The following COL12A1 variants were observed in gnomAD, a reference collection of about 807,000 sequenced individuals.
The protein encoded by COL12A1 is collagen type XII alpha 1 chain.
Under a neutral mutation model 349.7 loss-of-function variants are expected in COL12A1, and 114 were observed. The observed-to-expected ratio is 0.33, with a 90% confidence interval of 0.28 to 0.38. The LOEUF (loss-of-function observed/expected upper bound fraction) is 0.38, where lower values mean the gene tolerates loss of function less well. COL12A1 is among the 10% of genes least tolerant of loss of function. The probability of loss-of-function intolerance (pLI) is 1.00; values close to 1 mark genes in which losing one functional copy is unlikely to be tolerated. For missense variants in COL12A1, 3,284 were observed against 3,756.9 expected (o/e 0.87, Z 3.29); for synonymous variants, 1,369 against 1,329.0 (o/e 1.03, Z -0.66).
At chr6:75,134,896 C>T in intron 31 of COL12A1, 41 bp from the exon 32 acceptor site, 1 of 1,583,868 alleles carries the variant, frequency 6.3e-7, no homozygotes, top group Non-Finnish European at 8.6e-7. Flanking sequence ...GCCTTGCTCT[C>T]TCCATCTCAC....
At chr6:75,161,348 T>G (rs1768016646) in intron 14 of COL12A1, among the ~76,000 whole-genome samples, 1 of 152,218 alleles carries the variant, frequency 6.6e-6, no homozygotes. Flanking sequence ...ATAATTATTA[T>G]ACTGTATTTT....
chr6:75,109,862 CT>C (rs1768747465), intron 51 of COL12A1, among the ~76,000 whole-genome samples: 1 of 152,002 alleles, frequency 6.6e-6, no homozygotes, highest in Non-Finnish European at 1.5e-5. Flanking sequence ...TAATCCTTGT[CT>C]TTATAGTTAT....
At position 75,136,919 on chromosome 6, in the gene COL12A1, T is replaced by G. The variant is rs1338499445; in HGVS notation, c.5394+518A>C. 2.6e-5 allele frequency among the ~76,000 whole-genome samples: 4 copies of G among 152,076 alleles called. No individual in the cohort carries two copies. In the East Asian group the frequency reaches 7.7e-4, roughly 29 times the overall value. On this transcript the variant is annotated intron_variant, in intron 31 of 65. Transcript: ENST00000322507. Reference sequence around the variant, plus strand: ...ACCATCTTTCTTGGGGACCTCCATTTGGATAATAGAAAAATGAAAAACAGT... The same window carrying G: ...ACCATCTTTCTTGGGGACCTCCATTGGGATAATAGAAAAATGAAAAACAGT...
intron 41 of COL12A1, 73 bp downstream of exon 41, chr6:75,124,177 AATGGC>A: frequency 6.3e-7 from 1 of 1,593,918 alleles, no homozygotes; most frequent in Non-Finnish European, 8.6e-7. Context: ...TTATAAACAA[AATGGC>A]ATCTTCTTTA....
At chr6:75,099,087 G>A (rs1768185818) in intron 58 of COL12A1, among the ~76,000 whole-genome samples, 2 of 152,088 alleles carry the variant, frequency 1.3e-5, no homozygotes, top group Admixed American at 6.5e-5. Flanking sequence ...CATATTCTTG[G>A]ATTTTCACAA....
intron 3 of COL12A1, 110 bp downstream of exon 3, chr6:75,194,721 C>A: frequency 1.6e-6 from 1 of 632,434 alleles, no homozygotes; most frequent in Non-Finnish European, 2.6e-6. Flanking sequence ...GGATCAAATC[C>A]CTCAGGCTTC....
intron 59 of COL12A1, among the ~76,000 whole-genome samples, 160 bp from the exon 60 acceptor site, chr6:75,095,339 C>T (rs1386695874): frequency 6.6e-6 from 1 of 152,182 alleles, no homozygotes; most frequent in African/African-American, 2.4e-5. Context: ...GAAATAGGGC[C>T]GGGCGCGGTG....
intron 34 of COL12A1, 70 bp from the exon 35 acceptor site, chr6:75,132,152 C>T: frequency 2.0e-6 from 3 of 1,535,260 alleles, no homozygotes; most frequent in Non-Finnish European, 2.7e-6. Context: ...TATCACTTTT[C>T]CAGAACCTAC....
Position 75,138,555 on chromosome 6 carries a change from G to T in COL12A1, c.5123C>A (p.Thr1708Asn). 6.2e-7 allele frequency: 1 copy of T among 1,613,940 alleles called. No homozygotes were observed. The highest frequency in any genetic ancestry group is 1.1e-5 in the South Asian group (1 of 91,046). The change falls in exon 29 of 66, where the codon ACT (threonine) becomes AAT (asparagine). Residue 1708 changes from threonine to asparagine, a missense_variant. Transcript: ENST00000322507. ...GGGGTTCAGGTTTTCGAACACCAAA[G>T]TGTTTTCATCTCCATTTAAGATGGT... ...METILNGDEN[T>N]LVFENLNPNT...
intron 35 of COL12A1, among the ~76,000 whole-genome samples, 171 bp from the exon 36 acceptor site, chr6:75,131,152 T>C (rs1766282961): frequency 6.6e-6 from 1 of 152,180 alleles, no homozygotes; most frequent in African/African-American, 2.4e-5. Context: ...ACAAAATTTG[T>C]CCTCAGAAAT....
intron 13 of COL12A1, among the ~76,000 whole-genome samples, chr6:75,174,017 G>C (rs1768780151): frequency 6.6e-6 from 1 of 152,136 alleles, no homozygotes; most frequent in Non-Finnish European, 1.5e-5. Context: ...CATTCTCATT[G>C]CGGTGCAATT....
In COL12A1 at chr6:75,119,405, G is replaced by A; in HGVS notation, c.7155C>T (p.Ala2385=). 3 of 1,613,934 alleles carry A rather than the reference G, an allele frequency of 1.9e-6. No homozygotes were observed. The South Asian group carries it at 3.3e-5, about 18-fold the overall frequency. Residue 2385 remains alanine, a synonymous_variant, in exon 45 of 66, where the codon GCC becomes GCT. Coordinates refer to ENST00000322507, the MANE Select transcript of COL12A1 (RefSeq NM_004370.6). ...EFKLNTYNDK[A]LALGALQNIR... Reference sequence around the variant, plus strand: ...TATTCTGGAGGGCCCCAAGGGCTAGGGCCTTGTCATTGTACGTGTTCAGCT... The same window carrying A: ...TATTCTGGAGGGCCCCAAGGGCTAGAGCCTTGTCATTGTACGTGTTCAGCT...
rs1769146819 is a variant in COL12A1, at chr6:75,117,549, G to A, written c.7355-3C>T. 6.2e-7 allele frequency: 1 copy of A among 1,610,722 alleles called. No homozygotes were observed. Among genetic ancestry groups the A allele is most frequent in the East Asian group, 2.2e-5 (1 of 44,776 alleles). On this transcript the variant is annotated splice_region_variant and splice_polypyrimidine_tract_variant and intron_variant, in intron 46 of 65. Transcript: ENST00000322507. ...ACCAACTACAAAGACACTGAACCCT[G>A]CAAAGTAGCATTTATAGAATGAATC... is the stretch of plus-strand genomic sequence containing the variant.
intron 34 of COL12A1, among the ~76,000 whole-genome samples, chr6:75,132,828 A>T (rs1458627173): frequency 6.6e-6 from 1 of 152,260 alleles, no homozygotes; most frequent in Non-Finnish European, 1.5e-5. Context: ...AAAAAACAGT[A>T]AAACCACATA....
Position 75,108,996 on chromosome 6 carries a change from GAA to G in COL12A1, c.8100+20_8100+21del, listed in dbSNP as rs776589361. 6.2e-7 allele frequency: 1 copy of G among 1,600,956 alleles called. No individual in the cohort carries two copies. Among genetic ancestry groups the G allele is most frequent in the South Asian group, 1.1e-5 (1 of 87,770 alleles). ...TCAATCTTAACACAAGGTACCAAGA[GAA>G]ATAAAAATGTGTTACTCACTGCGGC... is the stretch of plus-strand genomic sequence containing the variant. On this transcript the variant is annotated intron_variant, in intron 52 of 65. Coordinates refer to ENST00000322507, the MANE Select transcript of COL12A1 (RefSeq NM_004370.6).
In COL12A1 at chr6:75,121,389, G is replaced by A; in HGVS notation, c.6999C>T (p.Ser2333=). ...CTTTGTTAAAATTATCGTCCCCAATGCTCCAGGAGGCATCAGTCAAGAACA... is the reference window on the plus strand; with the variant it reads ...CTTTGTTAAAATTATCGTCCCCAATACTCCAGGAGGCATCAGTCAAGAACA... ...DIVFLTDASW[S]IGDDNFNKVV... Residue 2333 remains serine, a synonymous_variant, in exon 44 of 66, where the codon AGC becomes AGT. Coordinates refer to ENST00000322507, the MANE Select transcript of COL12A1 (RefSeq NM_004370.6). The A allele has an allele frequency of 6.2e-7, 1 of 1,611,620 alleles. No homozygotes were observed. The highest frequency in any genetic ancestry group is 8.5e-7 in the Non-Finnish European group (1 of 1,178,322).
In COL12A1 at chr6:75,131,940, A is replaced by T. The variant is rs775279303; in HGVS notation, c.5937T>A (p.Ser1979=). 4.3e-6 allele frequency: 7 copies of T among 1,613,262 alleles called. No homozygotes were observed. The highest frequency in any genetic ancestry group is 5.9e-6 in the Non-Finnish European group (7 of 1,179,564). Residue 1979 remains serine, a splice_region_variant and synonymous_variant, in exon 35 of 66, where the codon TCT becomes TCA. Transcript: ENST00000322507. ...SPVDGTRPSE[S]IVVPGNTRMV... Reference sequence around the variant, plus strand: ...CAGTTTCCATGACAAAATTACTTACAGATTCTGAGGGTCTTGTGCCATCCA... The same window carrying T: ...CAGTTTCCATGACAAAATTACTTACTGATTCTGAGGGTCTTGTGCCATCCA...
rs753349127 is a variant in COL12A1 at position 75,102,072 on chromosome 6, A to G, written c.8416-20T>C. 1 of 1,612,398 alleles carries G rather than the reference A, an allele frequency of 6.2e-7. No homozygotes were observed. Among genetic ancestry groups the G allele is most frequent in the South Asian group, 1.1e-5 (1 of 90,808 alleles). On this transcript the variant is annotated intron_variant, in intron 56 of 65. Transcript: ENST00000322507. ...GCGACCCTAGAGTGAGCAATGGGAA[A>G]ACAGTTCTCAGGCGTTTCACAGAGA... is the stretch of plus-strand genomic sequence containing the variant.
chr6:75,090,147 C>T lies in COL12A1; in HGVS notation c.8904G>A (p.Pro2968=), dbSNP rs181007051. ...EPGPGGRPGF[P]GTPGMQGPPG... ...GGGGTCCCTGCATCCCTGGTGTGCC[C>T]GGGAAGCCTGGCCGCCCCCCAGGCC... Residue 2968 remains proline, a synonymous_variant, in exon 63 of 66, where the codon CCG becomes CCA. Coordinates refer to ENST00000322507, the MANE Select transcript of COL12A1 (RefSeq NM_004370.6). The surrounding 1 kb of genome is among the most constrained non-coding windows in gnomAD (Gnocchi z 4.1). 1.7e-4 allele frequency: 272 copies of T among 1,613,946 alleles called. 1 individual carries two copies. Among genetic ancestry groups the T allele is most frequent in the Non-Finnish European group, 2.0e-4 (241 of 1,179,986 alleles).
Sources: allele counts gnomAD v4.1 joint callset (sites outside exome capture counted in the v4.1 genomes callset), GRCh38; gene constraint gnomAD v4.1.1; non-coding constraint Gnocchi (gnomAD v3.1); transcripts MANE v1.5; gene names NCBI Gene and HGNC (gene_info 2026-07-23, HGNC 2026-07-21).